Variants in TNN observed in about 807,000 individuals in gnomAD.
TNN encodes the protein tenascin N, also known as tenascin-N.
A neutral mutation model predicts 134.4 loss-of-function variants in TNN; 122 were observed. That is an observed-to-expected ratio of 0.91 (90% CI 0.78 to 1.06). The LOEUF (loss-of-function observed/expected upper bound fraction) is 1.06. TNN is among the 50% of genes least tolerant of loss of function. The probability of loss-of-function intolerance (pLI) is 0.00; values close to 1 mark genes in which losing one functional copy is unlikely to be tolerated. For synonymous variants in TNN, 710 were observed against 670.3 expected, an observed-to-expected ratio of 1.06 and a Z score of -0.91; for missense variants, 1,739 against 1,699.4, an observed-to-expected ratio of 1.02 and a Z score of -0.41.
At chr1:175,133,336 T>C (rs1336927921) in intron 15 of TNN, among the ~76,000 whole-genome samples, 4 of 152,220 alleles carry the variant, frequency 2.6e-5, no homozygotes, top group African/African-American at 4.8e-5. Context: ...GCCTCCATTT[T>C]CTTGCTTCTC....
chr1:175,090,039 A>G (rs1434668895), intron 6 of TNN, among the ~76,000 whole-genome samples: 1 of 152,210 alleles, frequency 6.6e-6, no homozygotes, highest in Non-Finnish European at 1.5e-5. Flanking sequence ...CGATCACTGT[A>G]TTCTAGTGGG....
At chr1:175,074,484 GAAAAAA>G (rs55952749) in intron 1 of TNN, among the ~76,000 whole-genome samples, 10 of 119,018 alleles carry the variant, frequency 8.4e-5, no homozygotes, top group African/African-American at 2.0e-4. Context: ...GATCCTGTCT[GAAAAAA>G]AAAAAAAAAA....
chr1:175,146,240 C>T (rs1480062702), intron 18 of TNN, among the ~76,000 whole-genome samples: 3 of 152,170 alleles, frequency 2.0e-5, no homozygotes, highest in Non-Finnish European at 2.9e-5. Flanking sequence ...TGCCCTGAAC[C>T]ATCCCATATT....
At chr1:175,132,732 C>T (rs1280475824) in intron 15 of TNN, among the ~76,000 whole-genome samples, 1 of 152,250 alleles carries the variant, frequency 6.6e-6, no homozygotes, top group Non-Finnish European at 1.5e-5. Context: ...CACCCATCCC[C>T]TGCCCAGGAA....
At chr1:175,111,819 A>T (rs1262236724) in intron 9 of TNN, among the ~76,000 whole-genome samples, 2 of 150,868 alleles carry the variant, frequency 1.3e-5, no homozygotes, top group African/African-American at 4.9e-5. Flanking sequence ...ATATAGAAAC[A>T]CTACTGATTT....
chr1:175,088,619 G>A (rs1195234901), intron 6 of TNN, among the ~76,000 whole-genome samples: 1 of 152,230 alleles, frequency 6.6e-6, no homozygotes, highest in African/African-American at 2.4e-5. Context: ...CCTGTAGCCA[G>A]ACTGTTTGTG....
chr1:175,141,075 G>C (rs941783862), intron 17 of TNN, among the ~76,000 whole-genome samples: 1 of 152,196 alleles, frequency 6.6e-6, no homozygotes, highest in African/African-American at 2.4e-5. Context: ...CACTCAGACT[G>C]TCCAGGTGGG....
At chr1:175,079,294 C>A in intron 2 of TNN, 39 bp from the exon 3 acceptor site, 1 of 1,543,982 alleles carries the variant, frequency 6.5e-7, no homozygotes, top group Non-Finnish European at 8.7e-7. Context: ...CCACGCACAA[C>A]CCTTCAACCC....
chr1:175,098,458 C>G lies in TNN; in HGVS notation c.1982C>G (p.Thr661Ser), dbSNP rs753724213. 2 of 1,614,086 alleles carry G rather than the reference C, an allele frequency of 1.2e-6. No homozygotes were observed. The highest frequency in any genetic ancestry group is 1.7e-6 in the Non-Finnish European group (2 of 1,180,020). ...CGCTACACCTCTGCTGGTGGAGAGA[C>G]CAGGGAGGTTCCGGTGGGGAAGGAG... ...VVRYTSAGGE[T>S]REVPVGKEQS... Residue 661 changes from threonine (T) to serine (S), a missense_variant, in exon 9 of 19, where the codon ACC (threonine) becomes AGC (serine). Thr to Ser is a moderately conservative substitution (Grantham distance 58, BLOSUM62 1). Transcript: ENST00000239462.
chr1:175,078,632 G>A (rs1338929439), intron 2 of TNN, among the ~76,000 whole-genome samples: 1 of 152,180 alleles, frequency 6.6e-6, no homozygotes, highest in Non-Finnish European at 1.5e-5. Flanking sequence ...CTTCTGAGGA[G>A]CTCCCACTTT....
intron 17 of TNN, among the ~76,000 whole-genome samples, chr1:175,137,258 G>T (rs1397280470): frequency 6.6e-6 from 1 of 151,912 alleles, no homozygotes; most frequent in African/African-American, 2.4e-5. Context: ...TCTTATTCAG[G>T]CTGTTGTACA....
At chr1:175,085,343 T>A in intron 5 of TNN, 62 bp from the exon 6 acceptor site, 1 of 988,216 alleles carries the variant, frequency 1.0e-6, no homozygotes. Context: ...CAGGGAGGAG[T>A]AGTGCTGGGG....
chr1:175,081,739 G>C (rs1230789229), intron 4 of TNN, among the ~76,000 whole-genome samples: 1 of 152,116 alleles, frequency 6.6e-6, no homozygotes, highest in African/African-American at 2.4e-5. Flanking sequence ...GCACACTATG[G>C]GGGACCATAG....
At chr1:175,115,059 C>T (rs1675126894) in intron 9 of TNN, among the ~76,000 whole-genome samples, 1 of 152,110 alleles carries the variant, frequency 6.6e-6, no homozygotes, top group Non-Finnish European at 1.5e-5. Flanking sequence ...GGGCCTAGTC[C>T]AGCTCTAGGG....
chr1:175,071,515 T>C (rs1210042179), intron 1 of TNN, among the ~76,000 whole-genome samples: 1 of 152,260 alleles, frequency 6.6e-6, no homozygotes, highest in Non-Finnish European at 1.5e-5. Context: ...ATGCAATTCA[T>C]GTCCCCAGTG....
Position 175,118,619 on chromosome 1 carries a change from C to T in TNN, c.2445C>T (p.Val815=). ...GGGTGACAGAGAATACAGCCACTGT[C>T]TCCTGGGACCCGGTGCAGGCCACCA... ...TDWVTENTAT[V]SWDPVQATID... Residue 815 remains valine (V), a synonymous_variant, in exon 11 of 19, where the codon GTC becomes GTT. Transcript: ENST00000239462. The T allele has an allele frequency of 6.2e-7, 1 of 1,614,182 alleles. No individual in the cohort carries two copies. The highest frequency in any genetic ancestry group is 2.2e-5 in the East Asian group (1 of 44,882).
At chr1:175,108,694 G>A (rs1052111122) in intron 9 of TNN, among the ~76,000 whole-genome samples, 4 of 152,216 alleles carry the variant, frequency 2.6e-5, no homozygotes, top group Admixed American at 1.3e-4. Context: ...CGCAGCTGCT[G>A]GCCCGGGTGC....
intron 1 of TNN, among the ~76,000 whole-genome samples, chr1:175,074,370 G>T (rs936180124): frequency 1.3e-5 from 2 of 151,776 alleles, no homozygotes; most frequent in Non-Finnish European, 1.5e-5. Flanking sequence ...CTGTAGTCCC[G>T]GCTACTCAGG....
At chr1:175,069,130 C>A (rs1183814259) in intron 1 of TNN, among the ~76,000 whole-genome samples, 1 of 151,960 alleles carries the variant, frequency 6.6e-6, no homozygotes, top group East Asian at 1.9e-4. Context: ...AACAAACTGC[C>A]CACATTGGGA....
Sources: gnomAD v4.1 joint callset for allele counts (sites outside exome capture counted in the v4.1 genomes callset) on GRCh38, gnomAD v4.1.1 for gene constraint, MANE v1.5 for transcripts, NCBI Gene and HGNC (gene_info 2026-07-23, HGNC 2026-07-21) for gene names.